RPS6KC1: variants seen among roughly 807,000 people sequenced by gnomAD.
The protein encoded by RPS6KC1 is inactive ribosomal protein S6 kinase delta-1.
RPS6KC1 carries 54 observed loss-of-function variants against 103.8 expected under a neutral mutation model. That is an observed-to-expected ratio of 0.52 (90% CI 0.42 to 0.65). The LOEUF is 0.65. RPS6KC1 is among the 30% of genes least tolerant of loss of function. The probability of loss-of-function intolerance (pLI) is 0.00; values close to 1 mark genes in which losing one functional copy is unlikely to be tolerated. For synonymous variants in RPS6KC1, 439 were observed against 438.7 expected, an observed-to-expected ratio of 1.00 and a Z score of -0.01; for missense variants, 1,151 against 1,253.8, an observed-to-expected ratio of 0.92 and a Z score of 1.24.
At chr1:213,411,482 G>A in the RPS6KC1 span, among the ~76,000 whole-genome samples, 299 of 152,282 alleles carry the variant, frequency 2.0e-3, no homozygotes, top group African/African-American at 6.6e-3. Flanking sequence ...AGGGTGGAGC[G>A]GGTGTTGTAG....
At chr1:213,797,495 C>T in the RPS6KC1 span, among the ~76,000 whole-genome samples, 1 of 152,172 alleles carries the variant, frequency 6.6e-6, no homozygotes, top group East Asian at 1.9e-4. Context: ...TCAGATTTAA[C>T]TTTAGTGTAC....
At chr1:213,183,870 A>G (rs2092404607) in intron 8 of RPS6KC1, among the ~76,000 whole-genome samples, 1 of 152,188 alleles carries the variant, frequency 6.6e-6, no homozygotes, top group Non-Finnish European at 1.5e-5. Context: ...TAAAATTGAT[A>G]AACCTCTAAC....
the RPS6KC1 span, among the ~76,000 whole-genome samples, chr1:213,590,222 G>C: frequency 6.6e-6 from 1 of 152,122 alleles, no homozygotes; most frequent in African/African-American, 2.4e-5. Context: ...TCTGCTAGCA[G>C]GTAGCATCCT....
chr1:213,258,616 A>G lies in RPS6KC1; in HGVS notation c.2912-2942A>G, dbSNP rs1204834895. 5.3e-5 allele frequency among the ~76,000 whole-genome samples: 8 copies of G among 152,308 alleles called. No homozygotes were observed. In the East Asian group the frequency reaches 1.5e-3, roughly 29 times the overall value. ...TACCTTATTATGGAAGCCGAATTGT[A>G]TATATATACCTGATTAAGCAAGGAA... is the stretch of plus-strand genomic sequence containing the variant. On this transcript the variant is annotated intron_variant, in intron 12 of 14. Coordinates refer to ENST00000366960, the MANE Select transcript of RPS6KC1 (RefSeq NM_012424.6).
At chr1:213,541,481 A>G in the RPS6KC1 span, among the ~76,000 whole-genome samples, 1 of 152,120 alleles carries the variant, frequency 6.6e-6, no homozygotes, top group African/African-American at 2.4e-5. Flanking sequence ...AACAAACGCA[A>G]ACAAACAACA....
Position 213,143,956 on chromosome 1 carries a change from C to T in RPS6KC1, c.835+14067C>T, listed in dbSNP as rs776349157. 5.3e-5 allele frequency among the ~76,000 whole-genome samples: 8 copies of T among 151,952 alleles called. No individual in the cohort carries two copies. In the East Asian group the frequency reaches 9.6e-4, roughly 18 times the overall value. On this transcript the variant is annotated intron_variant, in intron 6 of 14. Coordinates refer to ENST00000366960, the MANE Select transcript of RPS6KC1 (RefSeq NM_012424.6). ...CATCTCAAAGCCAGCAGTTTTGCAT[C>T]GCTCTGACCATTCTTTCATAGTTAC...
chr1:213,532,474 G>A, the RPS6KC1 span, among the ~76,000 whole-genome samples: 1 of 152,180 alleles, frequency 6.6e-6, no homozygotes, highest in Non-Finnish European at 1.5e-5. Context: ...AGTAATTTGG[G>A]AAATCAGGGA....
chr1:213,851,667 A>G, the RPS6KC1 span, among the ~76,000 whole-genome samples: 1 of 152,054 alleles, frequency 6.6e-6, no homozygotes, highest in Non-Finnish European at 1.5e-5. Context: ...CTACTGGACC[A>G]CCTCAACTTG....
the RPS6KC1 span, among the ~76,000 whole-genome samples, chr1:213,531,444 C>T: frequency 6.6e-6 from 1 of 152,178 alleles, no homozygotes; most frequent in Non-Finnish European, 1.5e-5. Flanking sequence ...ATTATTGTAA[C>T]AATCCAAGGA....
intron 8 of RPS6KC1, among the ~76,000 whole-genome samples, chr1:213,199,772 A>T (rs555798376): frequency 6.6e-6 from 1 of 152,344 alleles, no homozygotes; most frequent in African/African-American, 2.4e-5. Flanking sequence ...TAAGCCAATA[A>T]ACAACTTCAG....
At chr1:213,794,643 G>C in the RPS6KC1 span, 1 of 152,282 alleles carries the variant, frequency 6.6e-6, no homozygotes, top group African/African-American at 2.4e-5. Context: ...TAAGCAGAAA[G>C]ATCTGTTAGT....
At chr1:213,638,992 T>C in the RPS6KC1 span, among the ~76,000 whole-genome samples, 5 of 152,078 alleles carry the variant, frequency 3.3e-5, no homozygotes, top group Non-Finnish European at 7.4e-5. Flanking sequence ...GGATATTTTG[T>C]CTCTCCATTT....
the RPS6KC1 span, among the ~76,000 whole-genome samples, chr1:213,805,003 G>A: frequency 3.3e-5 from 5 of 152,338 alleles, no homozygotes; most frequent in East Asian, 7.7e-4. Flanking sequence ...TCAAAGTTGT[G>A]TTTACATCAT....
chr1:213,536,900 G>A, the RPS6KC1 span, among the ~76,000 whole-genome samples: 3 of 152,106 alleles, frequency 2.0e-5, no homozygotes, highest in East Asian at 1.9e-4. Flanking sequence ...AGTGGGGGGC[G>A]GGCTGAACAG....
the RPS6KC1 span, among the ~76,000 whole-genome samples, chr1:213,692,566 G>A: frequency 4.6e-5 from 7 of 152,254 alleles, no homozygotes; most frequent in African/African-American, 1.4e-4. Context: ...TTCCCTTGCG[G>A]TGGGCTGTCC....
chr1:213,239,873 A>T (rs1226452962), intron 10 of RPS6KC1, among the ~76,000 whole-genome samples: 1 of 152,174 alleles, frequency 6.6e-6, no homozygotes, highest in African/African-American at 2.4e-5. Flanking sequence ...TGTTTAACGT[A>T]AAAGTTATAA....
chr1:213,850,680 G>T, the RPS6KC1 span, among the ~76,000 whole-genome samples: 1 of 152,248 alleles, frequency 6.6e-6, no homozygotes, highest in Admixed American at 6.5e-5. Flanking sequence ...AGTTAGTTAA[G>T]GGGACACAAT....
At chr1:213,595,875 C>G in the RPS6KC1 span, among the ~76,000 whole-genome samples, 1 of 152,200 alleles carries the variant, frequency 6.6e-6, no homozygotes, top group African/African-American at 2.4e-5. Context: ...GTGGGGCTCC[C>G]ACATTTTAGT....
the RPS6KC1 span, among the ~76,000 whole-genome samples, chr1:213,559,618 AAAACATCTGT>A: frequency 1.3e-5 from 2 of 152,212 alleles, no homozygotes; most frequent in African/African-American, 4.8e-5. Context: ...CTGGCCAAAC[AAAACATCTGT>A]AGGACAAAGC....
Sources: allele counts gnomAD v4.1 joint callset (sites outside exome capture counted in the v4.1 genomes callset), GRCh38; gene constraint gnomAD v4.1.1; transcripts MANE v1.5; gene names NCBI Gene and HGNC (gene_info 2026-07-23, HGNC 2026-07-21).